Variants in FANCL observed in about 807,000 individuals in gnomAD.
FANCL encodes the protein E3 ubiquitin-protein ligase FANCL.
Under a neutral mutation model 59.4 loss-of-function variants are expected in FANCL, and 69 were observed. That is an observed-to-expected ratio of 1.16 (90% CI 0.96 to 1.42). The LOEUF (loss-of-function observed/expected upper bound fraction) is 1.42, where lower values mean the gene tolerates loss of function less well. FANCL is among the 40% of genes most tolerant of loss of function. The probability of loss-of-function intolerance (pLI) is 0.00; values close to 1 mark genes in which losing one functional copy is unlikely to be tolerated. For missense variants in FANCL, 519 were observed against 447.2 expected (o/e 1.16, Z -1.45); for synonymous variants, 180 against 147.1 (o/e 1.22, Z -1.62).
At chr2:58,239,031 G>C (rs757940427) in intron 1 of FANCL, among the ~76,000 whole-genome samples, 1 of 152,096 alleles carries the variant, frequency 6.6e-6, no homozygotes, top group Non-Finnish European at 1.5e-5. Flanking sequence ...AAATAAATGA[G>C]AAAGCAGGCA....
At chr2:58,163,591 G>A in intron 8 of FANCL, 74 bp from the exon 9 acceptor site, 2 of 927,276 alleles carry the variant, frequency 2.2e-6, no homozygotes, top group South Asian at 2.7e-5. Context: ...ATAAAGAGGT[G>A]TTGGTCTGGC....
intron 2 of FANCL, among the ~76,000 whole-genome samples, chr2:58,230,253 G>C (rs1193866399): frequency 2.0e-5 from 3 of 152,100 alleles, no homozygotes; most frequent in Non-Finnish European, 4.4e-5. Flanking sequence ...AGCATGTGTA[G>C]CAATATTATC....
At chr2:58,201,214 A>G (rs1391258591) in intron 6 of FANCL, among the ~76,000 whole-genome samples, 4 of 151,566 alleles carry the variant, frequency 2.6e-5, no homozygotes, top group Non-Finnish European at 5.9e-5. Context: ...AAAACCACTG[A>G]CAACTAATTG....
intron 7 of FANCL, among the ~76,000 whole-genome samples, chr2:58,170,772 AAAG>A (rs1384732081): frequency 2.0e-5 from 3 of 152,176 alleles, no homozygotes; most frequent in African/African-American, 7.2e-5. Context: ...CAAAAGAGAC[AAAG>A]AAGGGCATTA....
chr2:58,159,253 A>G lies in FANCL; in HGVS notation c.*512T>C, dbSNP rs955054484. 4 of 945,744 alleles carry G rather than the reference A, an allele frequency of 4.2e-6. No homozygotes were observed. Among genetic ancestry groups the G allele is most frequent in the East Asian group, 2.5e-5 (1 of 40,738 alleles). The allele number at this position is 945,744 out of a possible 1,614,324, so 58.6% of individuals were successfully genotyped here. ...ATAACACGCAAAAACTTGATCTTGTATAACATTTTATTTAGCATTCTTACA... is the reference window on the plus strand; with the variant it reads ...ATAACACGCAAAAACTTGATCTTGTGTAACATTTTATTTAGCATTCTTACA... On this transcript the variant is annotated 3_prime_UTR_variant, in exon 14 of 14. Coordinates refer to ENST00000233741, the MANE Select transcript of FANCL (RefSeq NM_018062.4).
chr2:58,184,887 G>A (rs2104990117), intron 7 of FANCL, among the ~76,000 whole-genome samples: 1 of 152,194 alleles, frequency 6.6e-6, no homozygotes, highest in Non-Finnish European at 1.5e-5. Context: ...ATAAATAATA[G>A]CCAAGTACAT....
Position 58,178,992 on chromosome 2 carries a change from A to G in FANCL, c.541-13118T>C, listed in dbSNP as rs569062899. ...GAACTCCCATTCACAATTGCTTCAAAGCGAAGAAAATACCTAGGAATCCAA... is the reference window on the plus strand; with the variant it reads ...GAACTCCCATTCACAATTGCTTCAAGGCGAAGAAAATACCTAGGAATCCAA... On this transcript the variant is annotated intron_variant, in intron 7 of 13. Coordinates refer to ENST00000233741, the MANE Select transcript of FANCL (RefSeq NM_018062.4). Among the ~76,000 whole-genome samples, 21 of 152,350 alleles carry G rather than the reference A, an allele frequency of 1.4e-4. No individual in the cohort carries two copies. In the East Asian group the frequency reaches 4.1e-3, roughly 29 times the overall value.
intron 7 of FANCL, among the ~76,000 whole-genome samples, chr2:58,167,167 G>A (rs1475920870): frequency 2.6e-5 from 4 of 152,084 alleles, no homozygotes; most frequent in South Asian, 2.1e-4. Flanking sequence ...GGCCGAGATC[G>A]CGCCACTGCA....
chr2:58,175,791 G>C (rs572005294), intron 7 of FANCL, among the ~76,000 whole-genome samples: 21 of 152,130 alleles, frequency 1.4e-4, no homozygotes, highest in Non-Finnish European at 4.4e-5. Flanking sequence ...AGGGCAATTA[G>C]GCAGGAGAAG....
chr2:58,170,388 G>A (rs1035379849), intron 7 of FANCL, among the ~76,000 whole-genome samples: 7 of 152,082 alleles, frequency 4.6e-5, no homozygotes, highest in East Asian at 1.9e-4. Flanking sequence ...TGAAGGACGC[G>A]TGAAATATGC....
At chr2:58,185,294 T>C (rs73944829) in intron 7 of FANCL, among the ~76,000 whole-genome samples, 4,618 of 152,246 alleles carry the variant, frequency 0.03, 252 homozygotes, top group African/African-American at 0.11. Flanking sequence ...TGAAATTCTC[T>C]GCACCTAAAT....
rs536442482 is a variant in FANCL at position 58,164,240 on chromosome 2, T to G, written c.692-723A>C. Among the ~76,000 whole-genome samples the G allele has an allele frequency of 2.0e-5, 3 of 152,150 alleles. No homozygotes were observed. The South Asian group carries it at 6.2e-4, about 32-fold the overall frequency. On this transcript the variant is annotated intron_variant, in intron 8 of 13. Coordinates refer to ENST00000233741, the MANE Select transcript of FANCL (RefSeq NM_018062.4). ...CATAGTGTAACTGCTTAAGATCAAT[T>G]TGGATTTCATTTTCATCGTAAAAAT...
intron 7 of FANCL, among the ~76,000 whole-genome samples, chr2:58,182,285 T>C (rs1461049274): frequency 6.6e-6 from 1 of 151,870 alleles, no homozygotes; most frequent in Non-Finnish European, 1.5e-5. Flanking sequence ...ATTAGTTCAA[T>C]ACAGCCTTTA....
intron 1 of FANCL, among the ~76,000 whole-genome samples, chr2:58,240,178 T>C (rs778410523): frequency 2.6e-4 from 40 of 151,818 alleles, no homozygotes; most frequent in Admixed American, 1.2e-3. Context: ...AAGAGAATCA[T>C]ATTTTCAGCT....
intron 7 of FANCL, among the ~76,000 whole-genome samples, chr2:58,176,743 C>T (rs1687361042): frequency 2.0e-5 from 3 of 152,042 alleles, no homozygotes; most frequent in Admixed American, 6.5e-5. Context: ...GTCTAAAACA[C>T]CAAAAGCAAT....
intron 7 of FANCL, among the ~76,000 whole-genome samples, chr2:58,191,039 A>C (rs1227319901): frequency 6.6e-6 from 1 of 151,812 alleles, no homozygotes; most frequent in Non-Finnish European, 1.5e-5. Context: ...TGTTTTTCAG[A>C]AATGAAGGTT....
rs1573757711 is a variant in FANCL, at chr2:58,217,690, A to T, written c.374+4252T>A. Among the ~76,000 whole-genome samples the T allele has an allele frequency of 3.3e-5, 5 of 152,174 alleles. 2 individuals carry two copies. The highest frequency in any genetic ancestry group is 3.3e-4 in the Admixed American group (5 of 15,296). On this transcript the variant is annotated intron_variant, in intron 5 of 13. Transcript: ENST00000233741. ...TACCCAATAACATGACTGCAAATAG[A>T]CATAAAGCAAAATTTTGAGGAACAA... is the stretch of plus-strand genomic sequence containing the variant.
intron 5 of FANCL, among the ~76,000 whole-genome samples, chr2:58,220,942 G>C (rs1235981611): frequency 1.3e-5 from 2 of 152,194 alleles, no homozygotes; most frequent in Middle Eastern, 3.2e-3. Context: ...GCCGGGCGTG[G>C]TGGCTCACGC....
chr2:58,226,620 GAGAGTTA>G (rs1299400345), intron 4 of FANCL, 101 bp downstream of exon 4: 12 of 813,712 alleles, frequency 1.5e-5, no homozygotes, highest in African/African-American at 5.2e-5. Flanking sequence ...TCAAATGACT[GAGAGTTA>G]AGAAGACAAA....
Sources: allele counts gnomAD v4.1 joint callset (sites outside exome capture counted in the v4.1 genomes callset), GRCh38; gene constraint gnomAD v4.1.1; transcripts MANE v1.5; gene names NCBI Gene and HGNC (gene_info 2026-07-23, HGNC 2026-07-21).